The following PDE4D variants were observed in gnomAD, a reference collection of about 807,000 sequenced individuals.
The protein encoded by PDE4D is phosphodiesterase 4D, also known as 3',5'-cyclic-AMP phosphodiesterase 4D.
Under a neutral mutation model 87.4 loss-of-function variants are expected in PDE4D, and 24 were observed. The observed-to-expected ratio is 0.27, with a 90% CI of 0.20 to 0.39. The LOEUF (loss-of-function observed/expected upper bound fraction) is 0.39, where lower values mean the gene tolerates loss of function less well. Ranked by LOEUF, PDE4D falls within the 10% of genes least tolerant of loss-of-function variation. The pLI is 1.00. For missense variants in PDE4D, 714 were observed against 1,041.0 expected (o/e 0.69, Z 4.32); for synonymous variants, 384 against 383.2 (o/e 1.00, Z -0.02).
intron 5 of PDE4D, among the ~76,000 whole-genome samples, chr5:59,128,425 T>A (rs1012940919): frequency 1.3e-5 from 2 of 152,206 alleles, no homozygotes; most frequent in Non-Finnish European, 2.9e-5. Flanking sequence ...TCTCAAAAGC[T>A]GAATTCACAA....
chr5:59,007,633 T>TA (rs1235153912), intron 6 of PDE4D, among the ~76,000 whole-genome samples: 1 of 152,130 alleles, frequency 6.6e-6, no homozygotes, highest in African/African-American at 2.4e-5. Context: ...GTAAATCCAC[T>TA]AAATCTGTTT....
At chr5:59,369,962 T>C (rs918427154) in intron 1 of PDE4D, among the ~76,000 whole-genome samples, 8 of 152,182 alleles carry the variant, frequency 5.3e-5, no homozygotes, top group Non-Finnish European at 1.0e-4. Flanking sequence ...ATTTCCAATT[T>C]GTTCAGGCCA....
chr5:60,391,661 G>C (rs574384978), intron 1 of PDE4D, among the ~76,000 whole-genome samples: 1 of 151,738 alleles, frequency 6.6e-6, no homozygotes, highest in Non-Finnish European at 1.5e-5. Flanking sequence ...ATATTGAATT[G>C]GGCCCACCAG....
chr5:60,275,234 G>A (rs1051698674), intron 1 of PDE4D, among the ~76,000 whole-genome samples: 6 of 152,142 alleles, frequency 3.9e-5, no homozygotes, highest in African/African-American at 1.2e-4. Flanking sequence ...AGCCAAGGTT[G>A]AGAACCACTG....
chr5:60,320,495 C>G (rs1756144463), intron 1 of PDE4D, among the ~76,000 whole-genome samples: 1 of 152,160 alleles, frequency 6.6e-6, no homozygotes. Context: ...TGTCCTGCAC[C>G]CACTTTCCGA....
chr5:60,037,926 T>A (rs959472380), intron 2 of PDE4D, among the ~76,000 whole-genome samples: 22 of 152,178 alleles, frequency 1.4e-4, no homozygotes, highest in Non-Finnish European at 3.2e-4. Context: ...ATATCAAAAA[T>A]GAAATATTGT....
chr5:59,319,871 A>AT (rs11418242), intron 1 of PDE4D, among the ~76,000 whole-genome samples: 20,179 of 152,070 alleles, frequency 0.13, 1,605 homozygotes, highest in East Asian at 0.34. Context: ...TTAGAAATGT[A>AT]TTTTTCCAAA....
chr5:60,491,062 C>G (rs1162882792), upstream of PDE4D: 1 of 152,348 alleles, frequency 6.6e-6, no homozygotes, highest in African/African-American at 2.4e-5. Context: ...CAGTGCCAGC[C>G]TCTACCTAAG....
upstream of PDE4D, among the ~76,000 whole-genome samples, chr5:59,897,656 G>A (rs1407725834): frequency 1.3e-5 from 2 of 149,764 alleles, no homozygotes; most frequent in East Asian, 2.0e-4. Flanking sequence ...CTGTGTCCAC[G>A]TGTTCTCGTT....
At chr5:59,402,442 C>T (rs1414661795) in intron 1 of PDE4D, among the ~76,000 whole-genome samples, 1 of 152,142 alleles carries the variant, frequency 6.6e-6, no homozygotes, top group Non-Finnish European at 1.5e-5. Flanking sequence ...TACATGTCTC[C>T]TCTCCCGAAC....
intron 3 of PDE4D, among the ~76,000 whole-genome samples, chr5:59,973,293 CA>C (rs1760977744): frequency 1.3e-5 from 2 of 152,016 alleles, no homozygotes; most frequent in South Asian, 4.1e-4. Context: ...TTTTGTAAAT[CA>C]AAAAATTCAA....
chr5:59,812,168 T>C (rs950262618), intron 1 of PDE4D, among the ~76,000 whole-genome samples: 2 of 152,186 alleles, frequency 1.3e-5, no homozygotes, highest in Non-Finnish European at 2.9e-5. Flanking sequence ...GATGATCCTG[T>C]GCACTGTGAT....
chr5:59,504,423 G>A lies in PDE4D; in HGVS notation c.456-288455C>T, dbSNP rs537742820. Among the ~76,000 whole-genome samples, 4 of 152,238 alleles carry A rather than the reference G, an allele frequency of 2.6e-5. No homozygotes were observed. In the East Asian group the frequency reaches 7.7e-4, roughly 29 times the overall value. On this transcript the variant is annotated intron_variant, in intron 1 of 14. Transcript: ENST00000340635. ...AAGGAAAGTCCACCATCTCAACCCA[G>A]TTAAATTTGGCTAACTAGTATGTAC...
At chr5:59,455,906 C>A (rs1799854349) in intron 1 of PDE4D, among the ~76,000 whole-genome samples, 1 of 152,172 alleles carries the variant, frequency 6.6e-6, no homozygotes, top group African/African-American at 2.4e-5. Flanking sequence ...GGCCTATGGC[C>A]CCTTTGTTTT....
chr5:60,448,612 C>T (rs1745839651), intron 1 of PDE4D: 1 of 152,138 alleles, frequency 6.6e-6, no homozygotes, highest in Admixed American at 6.5e-5. Flanking sequence ...ACTCATGCCT[C>T]ACCGAAATTC....
intron 1 of PDE4D, among the ~76,000 whole-genome samples, chr5:59,368,568 A>G (rs1783451936): frequency 1.3e-5 from 2 of 152,340 alleles, no homozygotes; most frequent in African/African-American, 4.8e-5. Context: ...CATGTAAATG[A>G]TTCCACTGAT....
intron 2 of PDE4D, among the ~76,000 whole-genome samples, chr5:60,179,649 C>T (rs1301032264): frequency 1.3e-5 from 2 of 152,064 alleles, no homozygotes; most frequent in African/African-American, 4.8e-5. Context: ...AGATGCAAAG[C>T]CAGAACTATA....
chr5:60,041,992 G>A (rs1768567579), intron 2 of PDE4D, among the ~76,000 whole-genome samples: 1 of 151,926 alleles, frequency 6.6e-6, no homozygotes, highest in Non-Finnish European at 1.5e-5. Flanking sequence ...CTGAAACCAA[G>A]GAGCCAAGTG....
At chr5:59,385,847 A>T (rs1786867175) in intron 1 of PDE4D, among the ~76,000 whole-genome samples, 1 of 151,896 alleles carries the variant, frequency 6.6e-6, no homozygotes, top group Non-Finnish European at 1.5e-5. Flanking sequence ...CCTGCATCCC[A>T]ATCTCTATCT....
Sources: gnomAD v4.1 joint callset for allele counts (sites outside exome capture counted in the v4.1 genomes callset) on GRCh38, gnomAD v4.1.1 for gene constraint, MANE v1.5 for transcripts, NCBI Gene and HGNC (gene_info 2026-07-23, HGNC 2026-07-21) for gene names.